The following GNB1 variants were observed in gnomAD, a reference collection of about 807,000 sequenced individuals.
The protein encoded by GNB1 is G protein subunit beta 1.
A neutral mutation model predicts 42.9 loss-of-function variants in GNB1; 2 were observed. That is an observed-to-expected ratio of 0.05 (90% CI 0.02 to 0.15). The LOEUF (loss-of-function observed/expected upper bound fraction) is 0.15, where lower values mean the gene tolerates loss of function less well. GNB1 is among the 10% of genes least tolerant of loss of function. GNB1 has a pLI of 1.00. For synonymous variants in GNB1, 183 were observed against 174.7 expected (o/e 1.05, Z -0.38); for missense variants, 193 against 462.2 (o/e 0.42, Z 5.34).
intron 1 of GNB1, among the ~76,000 whole-genome samples, chr1:1,841,582 A>G (rs895176482): frequency 6.6e-6 from 1 of 152,226 alleles, no homozygotes; most frequent in Non-Finnish European, 1.5e-5. Context: ...CTGCCTATTA[A>G]TTCAGTGTCT....
intron 1 of GNB1, among the ~76,000 whole-genome samples, chr1:1,884,042 C>G (rs1232012930): frequency 6.6e-6 from 1 of 150,886 alleles, no homozygotes; most frequent in African/African-American, 2.4e-5. Context: ...CTCGGCTCAC[C>G]GCAACCTCCG....
At chr1:1,845,562 G>C (rs1255775954) in intron 1 of GNB1, among the ~76,000 whole-genome samples, 1 of 151,924 alleles carries the variant, frequency 6.6e-6, no homozygotes, top group African/African-American at 2.4e-5. Context: ...GACAGTGCGA[G>C]ACTCCGTCTC....
intron 1 of GNB1, among the ~76,000 whole-genome samples, chr1:1,868,480 G>A (rs1046215122): frequency 2.6e-5 from 4 of 152,032 alleles, no homozygotes; most frequent in African/African-American, 4.8e-5. Context: ...ATGTTTTCCC[G>A]TTTTTAAAAG....
chr1:1,873,811 C>T (rs1649379121), intron 1 of GNB1, among the ~76,000 whole-genome samples: 1 of 152,084 alleles, frequency 6.6e-6, no homozygotes, highest in Non-Finnish European at 1.5e-5. Flanking sequence ...GAGCAAGACT[C>T]CATCTTAAAT....
intron 8 of GNB1, among the ~76,000 whole-genome samples, chr1:1,791,850 A>C (rs1646485197): frequency 6.6e-6 from 1 of 152,236 alleles, no homozygotes; most frequent in Non-Finnish European, 1.5e-5. Context: ...TCTTCTAATA[A>C]ATAAAGTCTT....
rs924130629 is a variant in GNB1 at position 1,862,471 on chromosome 1, A to ATT, written c.-95-23235_-95-23234dup. Among the ~76,000 whole-genome samples, 1,217 of 146,012 alleles carry ATT rather than the reference A, an allele frequency of 8.3e-3. 21 individuals carry two copies. Among genetic ancestry groups the ATT allele is most frequent in the African/African-American group, 0.03 (1,180 of 39,960 alleles). ...AGTGTAAAGTACTTCATTTTTATTA[A>ATT]TTTTTTTTTTTTTGAGACAGGGTCT... On this transcript the variant is annotated intron_variant, in intron 1 of 11. Transcript: ENST00000378609.
At chr1:1,841,457 G>C (rs1180497979) in intron 1 of GNB1, among the ~76,000 whole-genome samples, 1 of 152,214 alleles carries the variant, frequency 6.6e-6, no homozygotes, top group Non-Finnish European at 1.5e-5. Flanking sequence ...TGGGATTACA[G>C]GCCTGAGCCA....
At chr1:1,812,393 T>C (rs528163652) in intron 5 of GNB1, among the ~76,000 whole-genome samples, 7 of 93,536 alleles carry the variant, frequency 7.5e-5, no homozygotes, top group South Asian at 6.4e-4. Context: ...TGTATATATA[T>C]ACACACACAT....
In GNB1 at chr1:1,819,357, A is replaced by G. The variant is rs114336896; in HGVS notation, c.58-1482T>C. Among the ~76,000 whole-genome samples the G allele has an allele frequency of 8.3e-3, 1,266 of 151,796 alleles. 22 individuals carry two copies. The highest frequency in any genetic ancestry group is 0.029 in the African/African-American group (1,215 of 41,366). ...CCCGTCTCAGCCTCTTGAGTAGCTG[A>G]GACCACAGGCGTGTGCCACCACACC... is the stretch of plus-strand genomic sequence containing the variant. On this transcript the variant is annotated intron_variant, in intron 3 of 11. Transcript: ENST00000378609.
intron 3 of GNB1, among the ~76,000 whole-genome samples, chr1:1,820,435 C>T (rs1247238945): frequency 1.4e-5 from 2 of 147,414 alleles, no homozygotes; most frequent in Non-Finnish European, 3.0e-5. Flanking sequence ...CCAAATTCAT[C>T]TTTAGTTAAG....
At chr1:1,888,894 G>A (rs1038737082) in intron 1 of GNB1, among the ~76,000 whole-genome samples, 6 of 152,140 alleles carry the variant, frequency 3.9e-5, no homozygotes, top group Non-Finnish European at 7.3e-5. Context: ...CCACCATTCA[G>A]TCCTACCCTG....
intron 1 of GNB1, among the ~76,000 whole-genome samples, chr1:1,883,954 TA>T (rs1353952269): frequency 6.6e-6 from 1 of 151,502 alleles, no homozygotes; most frequent in Non-Finnish European, 1.5e-5. Flanking sequence ...CATCTAATTA[TA>T]AAGTGTCCGG....
intron 7 of GNB1, among the ~76,000 whole-genome samples, chr1:1,801,037 C>G (rs566600413): frequency 1.3e-5 from 2 of 152,164 alleles, no homozygotes; most frequent in Non-Finnish European, 2.9e-5. Flanking sequence ...TTACTTCATT[C>G]TTTTCTCTTT....
intron 5 of GNB1, among the ~76,000 whole-genome samples, chr1:1,807,294 C>A (rs886765959): frequency 2.6e-5 from 4 of 151,328 alleles, no homozygotes; most frequent in Non-Finnish European, 5.9e-5. Context: ...AATCCCGTCT[C>A]CACTACAAAA....
intron 1 of GNB1, among the ~76,000 whole-genome samples, chr1:1,845,355 C>T (rs1473833026): frequency 2.6e-5 from 4 of 152,236 alleles, no homozygotes; most frequent in African/African-American, 7.2e-5. Flanking sequence ...GGGCGGATCA[C>T]GAGGTCAGGA....
intron 1 of GNB1, among the ~76,000 whole-genome samples, chr1:1,856,789 T>C (rs2101599878): frequency 6.6e-6 from 1 of 152,330 alleles, no homozygotes; most frequent in Non-Finnish European, 1.5e-5. Flanking sequence ...ATTAACAGTT[T>C]GGTGATATGT....
At chr1:1,860,424 TA>T (rs1406819026) in intron 1 of GNB1, among the ~76,000 whole-genome samples, 1 of 151,646 alleles carries the variant, frequency 6.6e-6, no homozygotes, top group African/African-American at 2.4e-5. Context: ...ACCCTGAATC[TA>T]AAATAAAAGT....
At chr1:1,841,335 C>G (rs907762065) in intron 1 of GNB1, among the ~76,000 whole-genome samples, 3 of 152,136 alleles carry the variant, frequency 2.0e-5, no homozygotes, top group African/African-American at 7.2e-5. Flanking sequence ...ATTACAGGCA[C>G]ACGCCATGCC....
chr1:1,814,676 C>T (rs1646826082), intron 5 of GNB1, among the ~76,000 whole-genome samples: 1 of 151,796 alleles, frequency 6.6e-6, no homozygotes, highest in East Asian at 1.9e-4. Flanking sequence ...GTGGCACATG[C>T]CTGTGGCCTA....
Sources: allele counts gnomAD v4.1 joint callset (sites outside exome capture counted in the v4.1 genomes callset), GRCh38; gene constraint gnomAD v4.1.1; transcripts MANE v1.5; gene names NCBI Gene and HGNC (gene_info 2026-07-23, HGNC 2026-07-21).